TRIM5: variants seen among roughly 807,000 people sequenced by gnomAD.
TRIM5 encodes tripartite motif-containing protein 5.
Under a neutral mutation model 35.6 loss-of-function variants are expected in TRIM5, and 31 were observed. The ratio of observed to expected loss-of-function variants is 0.87; its 90% CI spans 0.65 to 1.18. The LOEUF is 1.18. Among genes scored for constraint, TRIM5 ranks in the 50% most tolerant of loss-of-function variants. TRIM5 has a pLI of 0.00. For missense variants in TRIM5, 609 were observed against 591.6 expected, an observed-to-expected ratio of 1.03 and a Z score of -0.31; for synonymous variants, 243 against 215.6, an observed-to-expected ratio of 1.13 and a Z score of -1.11.
intron 1 of TRIM5, among the ~76,000 whole-genome samples, chr11:5,680,710 C>T (rs1373057181): frequency 1.3e-5 from 2 of 152,192 alleles, no homozygotes; most frequent in African/African-American, 2.4e-5. Context: ...GTTATATTAT[C>T]AAAAATACCT....
intron 6 of TRIM5, 80 bp downstream of exon 6, chr11:5,665,901 G>C: frequency 7.0e-7 from 1 of 1,420,548 alleles, no homozygotes; most frequent in African/African-American, 1.4e-5. Context: ...TCCATATTTG[G>C]AAACTGCACC....
the TRIM5 span, among the ~76,000 whole-genome samples, chr11:5,623,569 C>CG: frequency 7.2e-6 from 1 of 138,464 alleles, no homozygotes; most frequent in African/African-American, 2.7e-5. Flanking sequence ...TTAGTAGAGA[C>CG]GGGGGTTTCA....
chr11:5,635,816 C>G, the TRIM5 span, among the ~76,000 whole-genome samples: 1 of 152,072 alleles, frequency 6.6e-6, no homozygotes, highest in African/African-American at 2.4e-5. Flanking sequence ...TAAGATTACT[C>G]TGGAACAGAG....
At chr11:5,599,238 T>C in the TRIM5 span, among the ~76,000 whole-genome samples, 1 of 152,224 alleles carries the variant, frequency 6.6e-6, no homozygotes, top group Non-Finnish European at 1.5e-5. Context: ...ATTACTACAT[T>C]GCATTTATGA....
the TRIM5 span, among the ~76,000 whole-genome samples, chr11:5,648,639 A>C: frequency 6.6e-6 from 1 of 152,244 alleles, no homozygotes; most frequent in South Asian, 2.1e-4. Flanking sequence ...AAAAATAAGC[A>C]TAAGACCCAG....
the TRIM5 span, chr11:5,643,736 C>T: frequency 6.5e-7 from 1 of 1,549,288 alleles, no homozygotes; most frequent in South Asian, 1.3e-5. Flanking sequence ...ACCTACAACC[C>T]TTTGTCTTGA....
chr11:5,603,295 G>A, the TRIM5 span: 11 of 1,614,122 alleles, frequency 6.8e-6, no homozygotes, highest in Non-Finnish European at 8.5e-6. Flanking sequence ...GCAGGCAGGA[G>A]CCAGGAGAGT....
At chr11:5,675,064 T>C (rs1851842149) in intron 4 of TRIM5, among the ~76,000 whole-genome samples, 1 of 151,970 alleles carries the variant, frequency 6.6e-6, no homozygotes, top group African/African-American at 2.4e-5. Flanking sequence ...AGTCTCGCAC[T>C]GTTGCCCAGG....
chr11:5,626,438 A>G, the TRIM5 span, among the ~76,000 whole-genome samples: 1 of 152,214 alleles, frequency 6.6e-6, no homozygotes, highest in African/African-American at 2.4e-5. Flanking sequence ...AGTTTTTATG[A>G]AAGTTTTAAA....
chr11:5,658,059 G>A, the TRIM5 span, among the ~76,000 whole-genome samples: 2 of 152,304 alleles, frequency 1.3e-5, no homozygotes, highest in Middle Eastern at 3.4e-3. Flanking sequence ...TGGGCCCACA[G>A]ACTTAGGTGA....
At chr11:5,649,696 G>A in the TRIM5 span, among the ~76,000 whole-genome samples, 1 of 152,182 alleles carries the variant, frequency 6.6e-6, no homozygotes, top group East Asian at 1.9e-4. Context: ...TAAGGCAGCA[G>A]AGCGTAATGT....
chr11:5,643,125 A>ATATATATATATTT, the TRIM5 span: 4 of 974,550 alleles, frequency 4.1e-6, no homozygotes, highest in South Asian at 6.2e-5. Flanking sequence ...ATATATATAT[A>ATATATATATATTT]TTTTTTTTTT....
chr11:5,590,183 G>C, the TRIM5 span: 9,588 of 158,800 alleles, frequency 0.06, 325 homozygotes, highest in South Asian at 0.1. Flanking sequence ...GCTCCTGTGC[G>C]GCTGGAGCCT....
chr11:5,678,389 G>A lies in TRIM5; in HGVS notation c.559C>T (p.Gln187Ter). The A allele has an allele frequency of 1.3e-6, 2 of 1,597,640 alleles. No homozygotes were observed. Among genetic ancestry groups the A allele is most frequent in the East Asian group, 2.2e-5 (1 of 44,514 alleles). The part of the protein sequence containing the change: ...DKTNVLADFE[Q>*]LRDILDWEES... Reference sequence around the variant, plus strand: ...TCCCAGTCCAGGATGTCTCTCAGTTGCTCAAAATCTGCCAAGACGTTGGTT... The same window carrying A: ...TCCCAGTCCAGGATGTCTCTCAGTTACTCAAAATCTGCCAAGACGTTGGTT... The change falls in exon 4 of 8, where the codon CAA becomes TAA. Residue 187 changes from glutamine to a stop codon, truncating the protein, a stop_gained. Coordinates refer to ENST00000380034, the MANE Select transcript of TRIM5 (RefSeq NM_033034.3). LOFTEE classifies it high-confidence loss of function.
chr11:5,648,462 C>T, the TRIM5 span, among the ~76,000 whole-genome samples: 7 of 151,874 alleles, frequency 4.6e-5, no homozygotes, highest in East Asian at 3.9e-4. Context: ...GCCGAGATCG[C>T]GCCACTGCAC....
chr11:5,623,328 G>A, the TRIM5 span, among the ~76,000 whole-genome samples: 1 of 151,188 alleles, frequency 6.6e-6, no homozygotes, highest in Non-Finnish European at 1.5e-5. Flanking sequence ...AAGTAATTGC[G>A]GTTCTTGCTA....
rs532422975 is a variant in TRIM5, at chr11:5,683,014, G to A, written c.-62+1854C>T. Among the ~76,000 whole-genome samples the A allele has an allele frequency of 7.9e-5, 12 of 152,308 alleles. No homozygotes were observed. The South Asian group carries it at 2.1e-3, about 26-fold the overall frequency. On this transcript the variant is annotated intron_variant, in intron 1 of 7. Coordinates refer to ENST00000380034, the MANE Select transcript of TRIM5 (RefSeq NM_033034.3). ...GGGCCAGCTGGAGTTCCGGGTGGGC[G>A]TGGGCTTGGTGGGCCCCGCACTCGG... is the stretch of plus-strand genomic sequence containing the variant.
At chr11:5,636,944 A>C in the TRIM5 span, among the ~76,000 whole-genome samples, 1 of 152,194 alleles carries the variant, frequency 6.6e-6, no homozygotes, top group African/African-American at 2.4e-5. Flanking sequence ...CAGGAGATCG[A>C]GATCATCCTG....
the TRIM5 span, among the ~76,000 whole-genome samples, chr11:5,637,839 T>C: frequency 6.6e-6 from 1 of 152,224 alleles, no homozygotes; most frequent in African/African-American, 2.4e-5. Flanking sequence ...AGTGGAATCA[T>C]AGAATATTTG....
Sources: allele counts gnomAD v4.1 joint callset (sites outside exome capture counted in the v4.1 genomes callset), GRCh38; gene constraint gnomAD v4.1.1; transcripts MANE v1.5; gene names NCBI Gene and HGNC (gene_info 2026-07-23, HGNC 2026-07-21).